Variants in ZNF227 observed in about 807,000 individuals in gnomAD.
ZNF227 encodes zinc finger protein 227.
Under a neutral mutation model 13.2 loss-of-function variants are expected in ZNF227, and 12 were observed. The observed-to-expected ratio is 0.91, with a 90% CI of 0.58 to 1.47. The LOEUF is 1.47. ZNF227 is among the 40% of genes most tolerant of loss of function. The probability of loss-of-function intolerance (pLI) is 0.00; values close to 1 mark genes in which losing one functional copy is unlikely to be tolerated. For synonymous variants in ZNF227, 338 were observed against 326.0 expected, an observed-to-expected ratio of 1.04 and a Z score of -0.40; for missense variants, 885 against 967.5, an observed-to-expected ratio of 0.91 and a Z score of 1.13.
intron 3 of ZNF227, among the ~76,000 whole-genome samples, chr19:44,224,405 A>G (rs1470929456): frequency 1.3e-5 from 2 of 152,130 alleles, no homozygotes; most frequent in Non-Finnish European, 2.9e-5. Context: ...TGGGTGTCTA[A>G]GTCTCTTTGT....
chr19:44,218,600 C>T (rs1185188010), intron 3 of ZNF227, among the ~76,000 whole-genome samples: 1 of 152,208 alleles, frequency 6.6e-6, no homozygotes, highest in Non-Finnish European at 1.5e-5. Context: ...AAAGTAACTA[C>T]ATGTACGTAA....
intron 3 of ZNF227, among the ~76,000 whole-genome samples, chr19:44,221,372 G>C (rs1002285708): frequency 3.9e-5 from 6 of 152,084 alleles, no homozygotes; most frequent in Admixed American, 6.6e-5. Flanking sequence ...GTTTACAGTC[G>C]CACCAGCAGT....
intron 3 of ZNF227, 134 bp from the exon 4 acceptor site, chr19:44,228,311 TA>T (rs1167034131): frequency 9.1e-6 from 9 of 985,064 alleles, no homozygotes; most frequent in Non-Finnish European, 1.2e-5. Context: ...GGGAAAACTG[TA>T]ACAGCTGAAA....
At chr19:44,214,072 G>A (rs1971593939) in intron 2 of ZNF227, among the ~76,000 whole-genome samples, 1 of 152,122 alleles carries the variant, frequency 6.6e-6, no homozygotes, top group Non-Finnish European at 1.5e-5. Context: ...TGTATTATAT[G>A]TCAAAATGGT....
intron 3 of ZNF227, among the ~76,000 whole-genome samples, chr19:44,225,535 A>AC (rs1973029734): frequency 6.6e-6 from 1 of 152,082 alleles, no homozygotes; most frequent in Non-Finnish European, 1.5e-5. Context: ...CATCACTGAT[A>AC]CCCTTTCTTC....
At position 44,234,794 on chromosome 19, in the gene ZNF227, C is replaced by T. The variant is rs901299040; in HGVS notation, c.364C>T (p.Gln122Ter). Residue 122 changes from glutamine to a stop codon, truncating the protein, a stop_gained, in exon 6 of 6, where the codon CAG (glutamine) becomes TAG (stop). Transcript: ENST00000313040. LOFTEE classifies it low-confidence loss of function (END_TRUNC). ...QELSCWQIWK[Q>*]VASELTRCLQ... ...GCTGTCCTGCTGGCAAATCTGGAAA[C>T]AGGTTGCAAGTGAATTAACCAGGTG... 2 of 1,613,886 alleles carry T rather than the reference C, an allele frequency of 1.2e-6. No homozygotes were observed. Among genetic ancestry groups the T allele is most frequent in the Non-Finnish European group, 1.7e-6 (2 of 1,179,978 alleles).
upstream of ZNF227, among the ~76,000 whole-genome samples, chr19:44,212,372 T>TG (rs1246222624): frequency 2.0e-5 from 2 of 102,528 alleles, no homozygotes; most frequent in Admixed American, 1.1e-4. Context: ...CTCCGTTTTT[T>TG]TTTTTGTTTT....
Position 44,229,810 on chromosome 19 carries a change from C to A in ZNF227, c.265C>A (p.Gln89Lys). The A allele has an allele frequency of 6.4e-7, 1 of 1,562,710 alleles. No homozygotes were observed. The highest frequency in any genetic ancestry group is 8.7e-7 in the Non-Finnish European group (1 of 1,147,056). Residue 89 changes from glutamine to lysine, a missense_variant, in exon 5 of 6, where the codon CAA (glutamine) becomes AAA (lysine). By Grantham distance (53) the Gln-to-Lys change is moderately conservative. Coordinates refer to ENST00000313040, the MANE Select transcript of ZNF227 (RefSeq NM_182490.3). ...GCTTTGGATGATGGAAACAGAAACC[C>A]AAAGAAGTAGGTATTCTGGTGAGAA... ...EKLWMMETET[Q>K]RSSKHQNKME...
At chr19:44,211,483 G>A (rs921540375), upstream of ZNF227, among the ~76,000 whole-genome samples, 1 of 152,112 alleles carries the variant, frequency 6.6e-6, no homozygotes, top group Non-Finnish European at 1.5e-5. Context: ...ATACATTTAA[G>A]CAAATAAAGA....
Position 44,236,659 on chromosome 19 carries a change from C to G in ZNF227, c.2229C>G (p.Leu743=). 6.2e-7 allele frequency: 1 copy of G among 1,611,834 alleles called. No individual in the cohort carries two copies. Among genetic ancestry groups the G allele is most frequent in the Non-Finnish European group, 8.5e-7 (1 of 1,179,460 alleles). Residue 743 remains leucine, a synonymous_variant, in exon 6 of 6, where the codon CTC becomes CTG. Coordinates refer to ENST00000313040, the MANE Select transcript of ZNF227 (RefSeq NM_182490.3). ...VHLGVHTREK[L]FKCEECGKGF... ...TGGGTGTTCACACCAGGGAAAAACTCTTTAAATGTGAAGAGTGTGGTAAAG... is the reference window on the plus strand; with the variant it reads ...TGGGTGTTCACACCAGGGAAAAACTGTTTAAATGTGAAGAGTGTGGTAAAG...
At position 44,236,039 on chromosome 19, in the gene ZNF227, ACCCATC is replaced by A; in HGVS notation, c.1610_1615del (p.Thr537_Gln539delinsLys). On this transcript the variant is annotated inframe_deletion, in exon 6 of 6. Coordinates refer to ENST00000313040, the MANE Select transcript of ZNF227 (RefSeq NM_182490.3). ...CTTCAGTCAGTCCTCAAAGCTTCAA[ACCCATC>A]AGCGAGTCCACACTGGAGAGAAACC... The A allele has an allele frequency of 6.2e-7, 1 of 1,610,856 alleles. No individual in the cohort carries two copies. Among genetic ancestry groups the A allele is most frequent in the Non-Finnish European group, 8.5e-7 (1 of 1,179,106 alleles).
At chr19:44,229,597 GT>G in intron 4 of ZNF227, 135 bp from the exon 5 acceptor site, 1 of 418,424 alleles carries the variant, frequency 2.4e-6, no homozygotes, top group Middle Eastern at 7.4e-4. Context: ...GGGCGATAGA[GT>G]GAGACTCTGT....
intron 3 of ZNF227, among the ~76,000 whole-genome samples, chr19:44,219,940 C>G (rs1413447849): frequency 6.6e-6 from 1 of 151,894 alleles, no homozygotes; most frequent in Non-Finnish European, 1.5e-5. Flanking sequence ...CTCCCCCCAC[C>G]CCACAACAGT....
chr19:44,219,925 C>A, intron 3 of ZNF227, among the ~76,000 whole-genome samples: 1 of 151,688 alleles, frequency 6.6e-6, no homozygotes, highest in African/African-American at 2.4e-5. Context: ...TGCTATCCCT[C>A]CCCACTCCCC....
rs1299005368 is a variant in ZNF227 at position 44,234,998 on chromosome 19, A to G, written c.568A>G (p.Ser190Gly). ...NTYLSESQIQ[S>G]RGKQIDVKNN... ...ATATCTGAGTGAGTCACAGATTCAG[A>G]GTAGAGGTAAGCAAATTGATGTGAA... The change falls in exon 6 of 6, where the codon AGT (serine) becomes GGT (glycine). Residue 190 changes from serine (S) to glycine (G), a missense_variant. By Grantham distance (56) the Ser-to-Gly change is moderately conservative. Coordinates refer to ENST00000313040, the MANE Select transcript of ZNF227 (RefSeq NM_182490.3). The G allele has an allele frequency of 2.5e-6, 4 of 1,614,202 alleles. No individual in the cohort carries two copies. The highest frequency in any genetic ancestry group is 3.4e-6 in the Non-Finnish European group (4 of 1,180,038).
intron 3 of ZNF227, among the ~76,000 whole-genome samples, chr19:44,227,609 T>C (rs977455768): frequency 6.6e-5 from 10 of 152,294 alleles, no homozygotes; most frequent in Admixed American, 3.3e-4. Flanking sequence ...TGAAGTGCAG[T>C]GGCACAATCA....
chr19:44,231,711 A>T lies in ZNF227; in HGVS notation c.271+1895A>T, dbSNP rs146520121. Among the ~76,000 whole-genome samples, 362 of 152,354 alleles carry T rather than the reference A, an allele frequency of 2.4e-3. 3 individuals are homozygous for T. Among genetic ancestry groups the T allele is most frequent in the Middle Eastern group, 0.01 (3 of 294 alleles). On this transcript the variant is annotated intron_variant, in intron 5 of 5. Transcript: ENST00000313040. ...AGTAGATATCACATCCCTTTTACTC[A>T]GAGTTAGCTCATAGATTGAGAGCAC... is the stretch of plus-strand genomic sequence containing the variant.
At chr19:44,225,834 G>A (rs1403772145) in intron 3 of ZNF227, among the ~76,000 whole-genome samples, 4 of 152,318 alleles carry the variant, frequency 2.6e-5, no homozygotes, top group African/African-American at 9.6e-5. Flanking sequence ...GAGGAGGAGA[G>A]GCGCTCTGCT....
At position 44,235,236 on chromosome 19, in the gene ZNF227, C is replaced by G. The variant is rs200586485; in HGVS notation, c.806C>G (p.Pro269Arg). Residue 269 changes from proline (P) to arginine (R), a missense_variant, in exon 6 of 6, where the codon CCG (proline) becomes CGG (arginine). Transcript: ENST00000313040. ...FSYSPRLPLH[P>R]NVHTGEKCFS... ...TATAGCCCAAGGCTTCCCCTTCATCCGAATGTTCATACAGGAGAAAAATGC... is the reference window on the plus strand; with the variant it reads ...TATAGCCCAAGGCTTCCCCTTCATCGGAATGTTCATACAGGAGAAAAATGC... The G allele has an allele frequency of 7.4e-6, 12 of 1,613,780 alleles. 1 individual carries two copies. The highest frequency in any genetic ancestry group is 8.5e-6 in the Non-Finnish European group (10 of 1,179,962).
Sources: allele counts gnomAD v4.1 joint callset (sites outside exome capture counted in the v4.1 genomes callset), GRCh38; gene constraint gnomAD v4.1.1; transcripts MANE v1.5; gene names NCBI Gene and HGNC (gene_info 2026-07-23, HGNC 2026-07-21).